The following DDX46 variants were observed in gnomAD, a reference collection of about 807,000 sequenced individuals.
The protein encoded by DDX46 is DEAD-box helicase 46, also known as probable ATP-dependent RNA helicase DDX46.
Under a neutral mutation model 134.9 loss-of-function variants are expected in DDX46, and 30 were observed. The observed-to-expected ratio is 0.22, with a 90% confidence interval of 0.17 to 0.30. DDX46 has a LOEUF of 0.30. Among genes scored for constraint, DDX46 ranks in the 10% least tolerant of loss-of-function variants. The pLI is 1.00. For synonymous variants in DDX46, 415 were observed against 404.1 expected (o/e 1.03, Z -0.32); for missense variants, 622 against 1,248.7 (o/e 0.50, Z 7.56).
At chr5:134,817,327 TA>T in intron 19 of DDX46, 168 bp from the exon 20 acceptor site, 1 of 631,630 alleles carries the variant, frequency 1.6e-6, no homozygotes, top group Non-Finnish European at 2.6e-6. Context: ...AACTACATTA[TA>T]AATATATATT....
intron 14 of DDX46, 119 bp downstream of exon 14, chr5:134,795,133 A>G: frequency 8.8e-7 from 1 of 1,132,916 alleles, no homozygotes; most frequent in Non-Finnish European, 1.3e-6. Flanking sequence ...GTCGTATACC[A>G]CTACTCTAGC....
In DDX46 at chr5:134,773,772, G is replaced by A; in HGVS notation, c.524G>A (p.Arg175His). 1.9e-6 allele frequency: 3 copies of A among 1,613,268 alleles called. No homozygotes were observed. Among genetic ancestry groups the A allele is most frequent in the Non-Finnish European group, 1.7e-6 (2 of 1,179,658 alleles). The change falls in exon 5 of 23, where the codon CGT (arginine) becomes CAT (histidine). Residue 175 changes from arginine to histidine, a missense_variant. Transcript: ENST00000452510. ...ERVEKWREEQ[R>H]KKAMENIGEL... is the part of the protein sequence containing the mutation. The stretch of plus-strand genomic sequence containing the variant: ...GTAGAAAAATGGCGAGAAGAGCAAC[G>A]TAAAAAGGCTATGGAAAACATAGGA...
chr5:134,780,186 GTATA>G (rs1295216718), intron 6 of DDX46, among the ~76,000 whole-genome samples: 1 of 151,144 alleles, frequency 6.6e-6, no homozygotes, highest in African/African-American at 2.4e-5. Flanking sequence ...ATGTGTGTAT[GTATA>G]TATGTATGTG....
chr5:134,789,995 T>G, intron 12 of DDX46: 1 of 435,030 alleles, frequency 2.3e-6, no homozygotes, highest in Admixed American at 2.5e-5. Context: ...TCTAAATATA[T>G]GGAAGTAGGT....
intron 3 of DDX46, among the ~76,000 whole-genome samples, chr5:134,768,862 C>A (rs1277675370): frequency 6.6e-6 from 1 of 152,018 alleles, no homozygotes; most frequent in Non-Finnish European, 1.5e-5. Flanking sequence ...AGTTTGAGAC[C>A]AGTCTGACCA....
At chr5:134,824,297 A>T (rs1022937877) in intron 21 of DDX46, among the ~76,000 whole-genome samples, 1 of 152,218 alleles carries the variant, frequency 6.6e-6, no homozygotes, top group Non-Finnish European at 1.5e-5. Flanking sequence ...ATAATCTAGA[A>T]ATATAATGAT....
intron 6 of DDX46, among the ~76,000 whole-genome samples, chr5:134,780,545 CAA>C (rs1367303021): frequency 6.9e-6 from 1 of 144,424 alleles, no homozygotes; most frequent in Non-Finnish European, 1.5e-5. Flanking sequence ...GCCTGGGTGA[CAA>C]GAGCAAAACT....
intron 4 of DDX46, among the ~76,000 whole-genome samples, chr5:134,772,478 C>T (rs972858891): frequency 6.6e-6 from 1 of 151,922 alleles, no homozygotes; most frequent in Non-Finnish European, 1.5e-5. Flanking sequence ...GCTGAGATCC[C>T]GCCAATGCAC....
intron 16 of DDX46, among the ~76,000 whole-genome samples, chr5:134,810,330 A>C (rs2150156054): frequency 6.6e-6 from 1 of 151,576 alleles, no homozygotes; most frequent in South Asian, 2.1e-4. Context: ...TTTGTGTAAA[A>C]TTACCTATGT....
intron 3 of DDX46, among the ~76,000 whole-genome samples, chr5:134,770,696 C>T (rs1207596849): frequency 1.3e-5 from 2 of 151,878 alleles, no homozygotes; most frequent in Non-Finnish European, 2.9e-5. Context: ...CCTGTAATCT[C>T]AGCTATTCGG....
chr5:134,787,378 T>G (rs1179291220), intron 11 of DDX46, among the ~76,000 whole-genome samples: 1 of 152,246 alleles, frequency 6.6e-6, no homozygotes, highest in East Asian at 1.9e-4. Flanking sequence ...AAGACTTCTT[T>G]GTTCTTAATA....
At chr5:134,825,960 T>C (rs1030790586) in intron 21 of DDX46, 1 of 152,202 alleles carries the variant, frequency 6.6e-6, no homozygotes, top group Admixed American at 6.5e-5. Flanking sequence ...GCCAGCCAGC[T>C]CTTAATATCT....
intron 11 of DDX46, among the ~76,000 whole-genome samples, chr5:134,787,536 C>T (rs1214949392): frequency 1.3e-5 from 2 of 152,174 alleles, no homozygotes; most frequent in African/African-American, 4.8e-5. Context: ...ATTTTAATTA[C>T]TTCAAATTAC....
intron 15 of DDX46, among the ~76,000 whole-genome samples, chr5:134,807,175 CTT>C (rs11284486): frequency 2.8e-4 from 34 of 121,666 alleles, no homozygotes; most frequent in Admixed American, 5.2e-4. Context: ...CCACGCCTGG[CTT>C]TTTTTTTTTT....
intron 15 of DDX46, chr5:134,805,028 A>G (rs1428688484): frequency 2.6e-6 from 1 of 379,634 alleles, no homozygotes; most frequent in East Asian, 6.1e-5. Flanking sequence ...CTTTGTTGGT[A>G]TAAAGGTAAA....
intron 16 of DDX46, 80 bp downstream of exon 16, chr5:134,808,021 A>AG: frequency 7.7e-7 from 1 of 1,296,994 alleles, no homozygotes; most frequent in Non-Finnish European, 1.0e-6. Context: ...AGTAGATAAT[A>AG]GGAGTTATGG....
At chr5:134,768,443 G>A (rs559224943) in intron 3 of DDX46, among the ~76,000 whole-genome samples, 16 of 151,156 alleles carry the variant, frequency 1.1e-4, no homozygotes, top group Non-Finnish European at 1.9e-4. Context: ...GGGATATCTA[G>A]TATCCTTTTA....
intron 15 of DDX46, among the ~76,000 whole-genome samples, chr5:134,806,543 A>G (rs1388415207): frequency 6.6e-6 from 1 of 152,232 alleles, no homozygotes; most frequent in African/African-American, 2.4e-5. Flanking sequence ...TTATATTGAT[A>G]TTGATTTCAT....
At chr5:134,784,578 A>C in intron 10 of DDX46, 37 bp downstream of exon 10, 1 of 1,541,496 alleles carries the variant, frequency 6.5e-7, no homozygotes, top group East Asian at 2.3e-5. Flanking sequence ...TTCAAATAAC[A>C]GCTTTGTTGT....
Sources: gnomAD v4.1 joint callset for allele counts (sites outside exome capture counted in the v4.1 genomes callset) on GRCh38, gnomAD v4.1.1 for gene constraint, MANE v1.5 for transcripts, NCBI Gene and HGNC (gene_info 2026-07-23, HGNC 2026-07-21) for gene names.